The following LRRC4C variants were observed in gnomAD, a reference collection of about 807,000 sequenced individuals.
The protein encoded by LRRC4C is leucine rich repeat containing 4C, also known as leucine-rich repeat-containing protein 4C.
LRRC4C carries 5 observed loss-of-function variants against 33.6 expected under a neutral mutation model. The observed-to-expected ratio is 0.15, with a 90% confidence interval of 0.08 to 0.31. LRRC4C has a LOEUF of 0.31. Among genes scored for constraint, LRRC4C ranks in the 10% least tolerant of loss-of-function variants. The probability of loss-of-function intolerance (pLI) is 1.00; values close to 1 mark genes in which losing one functional copy is unlikely to be tolerated. For synonymous variants in LRRC4C, 329 were observed against 302.0 expected, an observed-to-expected ratio of 1.09 and a Z score of -0.93; for missense variants, 560 against 796.7, an observed-to-expected ratio of 0.70 and a Z score of 3.58.
intron 3 of LRRC4C, among the ~76,000 whole-genome samples, chr11:40,554,117 T>C (rs961150016): frequency 3.3e-5 from 5 of 152,184 alleles, no homozygotes; most frequent in Non-Finnish European, 7.3e-5. Context: ...AATTTTTTTA[T>C]ATGGTAAGAA....
At chr11:40,181,169 C>T (rs981587675) in intron 5 of LRRC4C, among the ~76,000 whole-genome samples, 1 of 152,176 alleles carries the variant, frequency 6.6e-6, no homozygotes, top group Non-Finnish European at 1.5e-5. Flanking sequence ...AAAATAAGAT[C>T]TTTCTTCCCT....
At chr11:40,604,233 G>A (rs1960326528) in intron 3 of LRRC4C, among the ~76,000 whole-genome samples, 1 of 152,066 alleles carries the variant, frequency 6.6e-6, no homozygotes, top group African/African-American at 2.4e-5. Context: ...AATGTTTCCA[G>A]TATGATAGCT....
intron 3 of LRRC4C, among the ~76,000 whole-genome samples, chr11:40,544,395 C>T (rs1411527480): frequency 6.6e-6 from 1 of 152,066 alleles, no homozygotes; most frequent in African/African-American, 2.4e-5. Flanking sequence ...TGTTCTTTAC[C>T]TTCCTGCCAC....
chr11:40,759,927 G>T (rs968056201), intron 2 of LRRC4C, among the ~76,000 whole-genome samples: 8 of 140,490 alleles, frequency 5.7e-5, no homozygotes, highest in Non-Finnish European at 1.1e-4. Context: ...ATTAGGTGAA[G>T]TAGAGAATTC....
chr11:41,354,607 C>G (rs936972542), intron 1 of LRRC4C, among the ~76,000 whole-genome samples: 9 of 151,902 alleles, frequency 5.9e-5, no homozygotes, highest in Admixed American at 2.6e-4. Flanking sequence ...CTGGAGGAAT[C>G]ACACTACCCA....
intron 1 of LRRC4C, among the ~76,000 whole-genome samples, chr11:41,187,631 T>C (rs181275404): frequency 6.6e-6 from 1 of 152,206 alleles, no homozygotes; most frequent in African/African-American, 2.4e-5. Context: ...GTAAGAACCC[T>C]GGGATACAGA....
At chr11:41,266,086 T>C (rs976529949) in intron 1 of LRRC4C, among the ~76,000 whole-genome samples, 1 of 152,044 alleles carries the variant, frequency 6.6e-6, no homozygotes, top group African/African-American at 2.4e-5. Flanking sequence ...ACTATGTTAA[T>C]TGGAGAGAGT....
intron 3 of LRRC4C, among the ~76,000 whole-genome samples, chr11:40,573,431 T>C (rs1958060981): frequency 6.6e-6 from 1 of 152,212 alleles, no homozygotes; most frequent in Admixed American, 6.5e-5. Flanking sequence ...TTCATGCCTC[T>C]GTGACTTTGC....
intron 3 of LRRC4C, among the ~76,000 whole-genome samples, chr11:40,579,055 C>T (rs920404197): frequency 1.3e-5 from 2 of 152,050 alleles, no homozygotes; most frequent in African/African-American, 2.4e-5. Context: ...TACAATAAGT[C>T]GGCCGGGCGA....
At chr11:40,220,623 A>G (rs1864334267) in intron 5 of LRRC4C, among the ~76,000 whole-genome samples, 1 of 152,150 alleles carries the variant, frequency 6.6e-6, no homozygotes, top group South Asian at 2.1e-4. Context: ...CAGTTTTCAA[A>G]CTGAATCTAA....
intron 3 of LRRC4C, among the ~76,000 whole-genome samples, chr11:40,494,713 T>C (rs1316234677): frequency 6.6e-6 from 1 of 152,202 alleles, no homozygotes; most frequent in Non-Finnish European, 1.5e-5. Flanking sequence ...GGATTTCTGC[T>C]TTCATAGGAG....
intron 2 of LRRC4C, among the ~76,000 whole-genome samples, chr11:40,855,867 T>C (rs2135786358): frequency 6.6e-6 from 1 of 152,072 alleles, no homozygotes; most frequent in South Asian, 2.1e-4. Context: ...CAAATGCAAA[T>C]ATTCAGATGC....
At position 40,422,638 on chromosome 11, in the gene LRRC4C, C is replaced by T. The variant is rs80235816; in HGVS notation, c.-269-102917G>A. Among the ~76,000 whole-genome samples, 1,137 of 151,606 alleles carry T rather than the reference C, an allele frequency of 7.5e-3. 13 individuals carry two copies. The highest frequency in any genetic ancestry group is 0.026 in the African/African-American group (1,073 of 41,324). ...ATCCCAAGTTCTACGAAAACTGTAT[C>T]AGTCATTCTTTTCTCTTACTTTAAA... On this transcript the variant is annotated intron_variant, in intron 3 of 6. Coordinates refer to ENST00000528697, the MANE Select transcript of LRRC4C (RefSeq NM_001258419.2).
chr11:40,159,269 C>T (rs904930383), intron 5 of LRRC4C, among the ~76,000 whole-genome samples: 1 of 152,042 alleles, frequency 6.6e-6, no homozygotes, highest in South Asian at 2.1e-4. Context: ...TTAATGAGCA[C>T]AGAGCAGCAG....
At position 41,332,634 on chromosome 11, in the gene LRRC4C, TAATA is replaced by T. The variant is rs1951331150; in HGVS notation, c.-496+126793_-496+126796del. Among the ~76,000 whole-genome samples the T allele has an allele frequency of 2.6e-5, 4 of 152,252 alleles. No homozygotes were observed. In the East Asian group the frequency reaches 7.7e-4, roughly 29 times the overall value. The stretch of plus-strand genomic sequence containing the variant: ...AAAAAGACTGTAGTAAAAAGTCTAT[TAATA>T]ATTATATTTCATAAGTTGTTTTATC... On this transcript the variant is annotated intron_variant, in intron 1 of 6. Coordinates refer to ENST00000528697, the MANE Select transcript of LRRC4C (RefSeq NM_001258419.2).
Position 40,650,311 on chromosome 11 carries a change from C to G in LRRC4C, c.-406-2033G>C, listed in dbSNP as rs377582567. ...TTTAAAAAACAGGAAAATTTCCAAA[C>G]AGTCCTTTTTCTTTTTTCCAAAATA... is the stretch of plus-strand genomic sequence containing the variant. On this transcript the variant is annotated intron_variant, in intron 2 of 6. Coordinates refer to ENST00000528697, the MANE Select transcript of LRRC4C (RefSeq NM_001258419.2). Among the ~76,000 whole-genome samples, 198 of 152,256 alleles carry G rather than the reference C, an allele frequency of 1.3e-3. 4 individuals carry two copies. In the South Asian group the frequency reaches 0.019, roughly 15 times the overall value.
intron 3 of LRRC4C, among the ~76,000 whole-genome samples, chr11:40,462,476 T>C (rs1226470519): frequency 6.6e-6 from 1 of 151,788 alleles, no homozygotes; most frequent in Non-Finnish European, 1.5e-5. Flanking sequence ...CAAAGATTAA[T>C]AAATCAAATT....
At chr11:41,453,258 T>A (rs1956081600) in intron 1 of LRRC4C, among the ~76,000 whole-genome samples, 2 of 152,124 alleles carry the variant, frequency 1.3e-5, no homozygotes, top group African/African-American at 4.8e-5. Context: ...TTAATAAGAT[T>A]TAAGTAACTG....
intron 1 of LRRC4C, among the ~76,000 whole-genome samples, chr11:41,245,532 C>T (rs1053627614): frequency 2.6e-5 from 4 of 152,298 alleles, no homozygotes; most frequent in African/African-American, 9.6e-5. Flanking sequence ...CTGGGGAACA[C>T]GGTGGCACCT....
Sources: allele counts gnomAD v4.1 joint callset (sites outside exome capture counted in the v4.1 genomes callset), GRCh38; gene constraint gnomAD v4.1.1; transcripts MANE v1.5; gene names NCBI Gene and HGNC (gene_info 2026-07-23, HGNC 2026-07-21).